ANKHD1: variants seen among roughly 807,000 people sequenced by gnomAD.
ANKHD1 encodes the protein ankyrin repeat and KH domain containing 1.
ANKHD1 carries 31 observed loss-of-function variants against 230.5 expected under a neutral mutation model. That is an observed-to-expected ratio of 0.13 (90% confidence interval 0.10 to 0.18). The LOEUF is 0.18. Among genes scored for constraint, ANKHD1 ranks in the 10% least tolerant of loss-of-function variants. ANKHD1 has a pLI of 1.00. For missense variants in ANKHD1, 2,256 were observed against 3,071.3 expected, an observed-to-expected ratio of 0.73 and a Z score of 6.27; for synonymous variants, 1,074 against 1,117.6, an observed-to-expected ratio of 0.96 and a Z score of 0.78.
chr5:140,413,294 T>C (rs1771087916), intron 1 of ANKHD1, among the ~76,000 whole-genome samples: 1 of 152,240 alleles, frequency 6.6e-6, no homozygotes, highest in Non-Finnish European at 1.5e-5. Context: ...GTTTTTGTTT[T>C]AAAATTGTGG....
intron 11 of ANKHD1, among the ~76,000 whole-genome samples, chr5:140,483,060 AG>A (rs1751353702): frequency 6.6e-6 from 1 of 152,152 alleles, no homozygotes; most frequent in Non-Finnish European, 1.5e-5. Flanking sequence ...TGAGTTTGTA[AG>A]GGTCTTATTT....
chr5:140,518,207 C>G (rs906748298), intron 24 of ANKHD1, among the ~76,000 whole-genome samples: 2 of 152,076 alleles, frequency 1.3e-5, no homozygotes, highest in South Asian at 2.1e-4. Context: ...ATAAATTCCT[C>G]GACACATACA....
chr5:140,512,354 A>G (rs1752808780), intron 22 of ANKHD1, among the ~76,000 whole-genome samples: 3 of 152,174 alleles, frequency 2.0e-5, no homozygotes, highest in Non-Finnish European at 4.4e-5. Context: ...AAGTTGTGAT[A>G]GTCCACCTTG....
At chr5:140,446,045 T>C in intron 6 of ANKHD1, 70 bp downstream of exon 6, 1 of 1,383,936 alleles carries the variant, frequency 7.2e-7, no homozygotes, top group South Asian at 1.9e-5. Flanking sequence ...TATTGAGTAT[T>C]TGAGTTTACT....
At chr5:140,403,499 C>A (rs951768561) in intron 1 of ANKHD1, among the ~76,000 whole-genome samples, 1 of 151,980 alleles carries the variant, frequency 6.6e-6, no homozygotes, top group Non-Finnish European at 1.5e-5. Flanking sequence ...GCAACCTCCG[C>A]CTCCTGGGTT....
At chr5:140,528,163 C>CT in intron 28 of ANKHD1, 21 bp from the exon 29 acceptor site, 21 of 1,417,796 alleles carry the variant, frequency 1.5e-5, no homozygotes, top group South Asian at 6.5e-5. Flanking sequence ...GGTCTTGTTT[C>CT]TGTTTTTTTT....
Position 140,449,192 on chromosome 5 carries a change from T to C in ANKHD1, c.1148-19T>C, listed in dbSNP as rs374091096. ...AACTGATAGTGAATTCTTTTAAAAT[T>C]TTTGTTCCTTTTTTCAAGGCCATTT... On this transcript the variant is annotated intron_variant, in intron 6 of 33. Transcript: ENST00000360839. The C allele has an allele frequency of 1.3e-6, 2 of 1,589,308 alleles. No individual in the cohort carries two copies. The highest frequency in any genetic ancestry group is 1.7e-6 in the Non-Finnish European group (2 of 1,166,604).
In ANKHD1 at chr5:140,446,060, A is replaced by G. The variant is rs1339965599; in HGVS notation, c.1147+85A>G. On this transcript the variant is annotated intron_variant, in intron 6 of 33. Transcript: ENST00000360839. ...TATTGAGTATTTGAGTTTACTTTAT[A>G]TTGCTTATGTTTTCCCTGTGCTATA... 1.2e-5 allele frequency: 16 copies of G among 1,281,402 alleles called. No homozygotes were observed. In the East Asian group the frequency reaches 4.1e-4, roughly 33 times the overall value. The allele number at this position is 1,281,402 out of a possible 1,614,324, so 79.4% of individuals were successfully genotyped here.
In ANKHD1 at chr5:140,447,924, A is replaced by G. The variant is rs191155632; in HGVS notation, c.1148-1287A>G. On this transcript the variant is annotated intron_variant, in intron 6 of 33. Transcript: ENST00000360839. ...CTACACATAACTGCAAGAGGGGCAG[A>G]GAAACATAGTCTTCTAGTCAGGTAT... Among the ~76,000 whole-genome samples, 45 of 152,342 alleles carry G rather than the reference A, an allele frequency of 3.0e-4. No homozygotes were observed. In the East Asian group the frequency reaches 4.1e-3, roughly 14 times the overall value.
chr5:140,477,969 T>C (rs1751059409), intron 10 of ANKHD1, among the ~76,000 whole-genome samples: 1 of 152,096 alleles, frequency 6.6e-6, no homozygotes, highest in South Asian at 2.1e-4. Flanking sequence ...AATTACACGG[T>C]AGAAACTGAG....
intron 15 of ANKHD1, among the ~76,000 whole-genome samples, chr5:140,499,708 G>T (rs1752192677): frequency 6.6e-6 from 1 of 152,084 alleles, no homozygotes; most frequent in Admixed American, 6.6e-5. Flanking sequence ...TAGGAACATG[G>T]TTCCTCAAGT....
chr5:140,443,879 C>T (rs916289443), intron 5 of ANKHD1, among the ~76,000 whole-genome samples: 3 of 152,160 alleles, frequency 2.0e-5, no homozygotes, highest in Admixed American at 2.0e-4. Context: ...AGGAGTTGAT[C>T]TAAAGTAGAG....
chr5:140,516,576 C>T (rs1753022682), intron 24 of ANKHD1, among the ~76,000 whole-genome samples: 2 of 152,142 alleles, frequency 1.3e-5, no homozygotes, highest in Admixed American at 1.3e-4. Context: ...GCCCATCAGA[C>T]TAACAGCAGA....
intron 24 of ANKHD1, among the ~76,000 whole-genome samples, chr5:140,520,895 A>G (rs1255666289): frequency 6.6e-6 from 1 of 150,606 alleles, no homozygotes; most frequent in Admixed American, 6.7e-5. Context: ...CTAACTGCAC[A>G]TTGTGCACAT....
intron 10 of ANKHD1, among the ~76,000 whole-genome samples, chr5:140,466,712 G>A (rs960406661): frequency 6.6e-6 from 1 of 152,150 alleles, no homozygotes; most frequent in Non-Finnish European, 1.5e-5. Context: ...TTGGGAGACC[G>A]AGGCGGACGG....
At chr5:140,532,603 CAG>C (rs1753883191) in intron 29 of ANKHD1, among the ~76,000 whole-genome samples, 1 of 152,052 alleles carries the variant, frequency 6.6e-6, no homozygotes, top group South Asian at 2.1e-4. Context: ...TGCCCAGCTT[CAG>C]AGTTTCTTTT....
At chr5:140,416,140 G>A (rs1333827266) in intron 1 of ANKHD1, among the ~76,000 whole-genome samples, 2 of 152,182 alleles carry the variant, frequency 1.3e-5, no homozygotes, top group African/African-American at 4.8e-5. Context: ...TGGCTGCATA[G>A]CATTCCATGG....
chr5:140,508,830 C>T (rs976032802), intron 20 of ANKHD1, among the ~76,000 whole-genome samples: 1 of 145,164 alleles, frequency 6.9e-6, no homozygotes, highest in Non-Finnish European at 1.5e-5. Flanking sequence ...GCAGGAAACA[C>T]ACACAGAGGA....
chr5:140,509,817 G>A lies in ANKHD1; in HGVS notation c.3941+5G>A. On this transcript the variant is annotated splice_donor_5th_base_variant and intron_variant, in intron 21 of 33. Coordinates refer to ENST00000360839, the MANE Select transcript of ANKHD1 (RefSeq NM_017747.3). The stretch of plus-strand genomic sequence containing the variant: ...TTGTGAACTCCTGATTCATAGGTGA[G>A]TACTTTTCTATTATATGTAGAACTT... The A allele has an allele frequency of 6.2e-7, 1 of 1,604,920 alleles. No homozygotes were observed. The highest frequency in any genetic ancestry group is 1.1e-5 in the South Asian group (1 of 88,310).
Sources: gnomAD v4.1 joint callset for allele counts (sites outside exome capture counted in the v4.1 genomes callset) on GRCh38, gnomAD v4.1.1 for gene constraint, MANE v1.5 for transcripts, NCBI Gene and HGNC (gene_info 2026-07-23, HGNC 2026-07-21) for gene names.